Variants in VEPH1 observed in about 807,000 individuals in gnomAD.
VEPH1 encodes ventricular zone expressed PH domain containing 1.
A neutral mutation model predicts 85.2 loss-of-function variants in VEPH1; 80 were observed. That is an observed-to-expected ratio of 0.94 (90% CI 0.78 to 1.13). The LOEUF (loss-of-function observed/expected upper bound fraction) is 1.13, where lower values mean the gene tolerates loss of function less well. Among genes scored for constraint, VEPH1 ranks in the 50% most tolerant of loss-of-function variants. The pLI, the probability that VEPH1 is intolerant of heterozygous loss-of-function variation, is 0.00. For missense variants in VEPH1, 955 were observed against 980.5 expected, an observed-to-expected ratio of 0.97 and a Z score of 0.35; for synonymous variants, 297 against 348.0, an observed-to-expected ratio of 0.85 and a Z score of 1.63.
At chr3:157,396,249 G>T (rs559504113) in intron 6 of VEPH1, among the ~76,000 whole-genome samples, 62 of 152,260 alleles carry the variant, frequency 4.1e-4, no homozygotes, top group African/African-American at 1.4e-3. Context: ...CCATGTTCCT[G>T]CAAAGGAAAA....
At chr3:157,337,790 T>G (rs1294445683) in intron 9 of VEPH1, among the ~76,000 whole-genome samples, 1 of 152,194 alleles carries the variant, frequency 6.6e-6, no homozygotes, top group African/African-American at 2.4e-5. Context: ...TTCTGAGGGA[T>G]AAAATGATCA....
intron 4 of VEPH1, among the ~76,000 whole-genome samples, chr3:157,449,554 CTTGA>C (rs1462618945): frequency 1.3e-5 from 2 of 152,158 alleles, no homozygotes; most frequent in African/African-American, 2.4e-5. Context: ...GCTACACTGT[CTTGA>C]TTATTATGAT....
At chr3:157,455,929 T>C (rs1002226740) in intron 4 of VEPH1, among the ~76,000 whole-genome samples, 2 of 152,248 alleles carry the variant, frequency 1.3e-5, no homozygotes, top group South Asian at 4.1e-4. Flanking sequence ...TTATATTTCT[T>C]TGGGTATATA....
At chr3:157,382,044 GT>G (rs1469686399) in intron 6 of VEPH1, among the ~76,000 whole-genome samples, 3 of 152,208 alleles carry the variant, frequency 2.0e-5, no homozygotes, top group Non-Finnish European at 2.9e-5. Context: ...TGGTCTCAAA[GT>G]GAGCCTTGAC....
At chr3:157,306,688 A>C (rs1247492985) in intron 11 of VEPH1, among the ~76,000 whole-genome samples, 1 of 152,088 alleles carries the variant, frequency 6.6e-6, no homozygotes, top group Non-Finnish European at 1.5e-5. Flanking sequence ...AATAGGGCAC[A>C]TGAAATTATA....
chr3:157,425,275 G>A (rs1732672923), intron 5 of VEPH1, among the ~76,000 whole-genome samples: 1 of 152,258 alleles, frequency 6.6e-6, no homozygotes, highest in Non-Finnish European at 1.5e-5. Context: ...ATGCCTGGAT[G>A]TCCAGACAGA....
At chr3:157,277,518 T>C (rs1418478771) in intron 12 of VEPH1, among the ~76,000 whole-genome samples, 3 of 152,230 alleles carry the variant, frequency 2.0e-5, no homozygotes, top group Non-Finnish European at 4.4e-5. Context: ...CATATTAAGG[T>C]GTTACCTACA....
At chr3:157,263,768 G>A (rs1713236468) in intron 13 of VEPH1, among the ~76,000 whole-genome samples, 1 of 152,144 alleles carries the variant, frequency 6.6e-6, no homozygotes, top group South Asian at 2.1e-4. Context: ...AATTAAAAGA[G>A]CACTGGTCAG....
At chr3:157,325,423 G>A (rs1447751953) in intron 9 of VEPH1, among the ~76,000 whole-genome samples, 1 of 152,098 alleles carries the variant, frequency 6.6e-6, no homozygotes, top group Non-Finnish European at 1.5e-5. Flanking sequence ...CTGTGCCTAT[G>A]TCCTGAATGG....
At chr3:157,492,272 GA>G (rs1739280383) in intron 2 of VEPH1, among the ~76,000 whole-genome samples, 1 of 152,150 alleles carries the variant, frequency 6.6e-6, no homozygotes, top group African/African-American at 2.4e-5. Flanking sequence ...AAACAGACTT[GA>G]GAACAGCATG....
At chr3:157,287,250 C>T (rs1359936319) in intron 11 of VEPH1, among the ~76,000 whole-genome samples, 1 of 152,064 alleles carries the variant, frequency 6.6e-6, no homozygotes, top group African/African-American at 2.4e-5. Flanking sequence ...TGGTATATGC[C>T]TGTGGTCCCA....
intron 10 of VEPH1, among the ~76,000 whole-genome samples, chr3:157,314,939 T>C (rs1378676729): frequency 1.3e-5 from 2 of 152,236 alleles, no homozygotes; most frequent in East Asian, 1.9e-4. Flanking sequence ...TTACATGTGA[T>C]AGTGTTATAC....
chr3:157,265,521 C>G lies in VEPH1; in HGVS notation c.2265+5G>C. 1 of 1,611,598 alleles carries G rather than the reference C, an allele frequency of 6.2e-7. No individual in the cohort carries two copies. Among genetic ancestry groups the G allele is most frequent in the Non-Finnish European group, 8.5e-7 (1 of 1,178,500 alleles). ...GCAAGTGTAAAAGATGATGGAGGAA[C>G]TTACAGACTTTCCTTTTTGAAACAG... On this transcript the variant is annotated splice_donor_5th_base_variant and intron_variant, in intron 13 of 13. Coordinates refer to ENST00000362010, the MANE Select transcript of VEPH1 (RefSeq NM_001167912.2).
chr3:157,336,757 T>G lies in VEPH1; in HGVS notation c.1736-19556A>C, dbSNP rs185668725. ...TCTAGAGCAAGGGTTGATAAACTAC[T>G]GTCCATGGGCAAAGTCTGACTCACT... On this transcript the variant is annotated intron_variant, in intron 9 of 13. Coordinates refer to ENST00000362010, the MANE Select transcript of VEPH1 (RefSeq NM_001167912.2). Among the ~76,000 whole-genome samples the G allele has an allele frequency of 1.3e-3, 203 of 152,340 alleles. 1 individual carries two copies. Among genetic ancestry groups the G allele is most frequent in the Non-Finnish European group, 2.2e-3 (150 of 68,026 alleles).
chr3:157,427,907 A>C (rs552380502), intron 5 of VEPH1, among the ~76,000 whole-genome samples: 1 of 152,338 alleles, frequency 6.6e-6, no homozygotes, highest in East Asian at 1.9e-4. Context: ...CCCCTGCAAT[A>C]TGGGTGGGCC....
chr3:157,346,301 A>G (rs1486324284), intron 9 of VEPH1, among the ~76,000 whole-genome samples: 4 of 152,216 alleles, frequency 2.6e-5, no homozygotes, highest in African/African-American at 4.8e-5. Context: ...AAGATCTTAC[A>G]AAGTATACCC....
intron 6 of VEPH1, chr3:157,413,620 C>T (rs1731684460): frequency 1.0e-6 from 1 of 985,392 alleles, no homozygotes; most frequent in African/African-American, 1.7e-5. Flanking sequence ...AAACCTTCCA[C>T]ATAACCCTGC....
intron 5 of VEPH1, among the ~76,000 whole-genome samples, chr3:157,423,067 C>G (rs534776945): frequency 6.6e-6 from 1 of 152,290 alleles, no homozygotes; most frequent in South Asian, 2.1e-4. Flanking sequence ...TTTCCTCGTT[C>G]TTCATGTCTT....
At chr3:157,503,455 C>G (rs1740267801), upstream of VEPH1, 1 of 152,320 alleles carries the variant, frequency 6.6e-6, no homozygotes, top group African/African-American at 2.4e-5. Context: ...ATTTCATTCC[C>G]TCCCCATTGA....
Sources: allele counts gnomAD v4.1 joint callset (sites outside exome capture counted in the v4.1 genomes callset), GRCh38; gene constraint gnomAD v4.1.1; transcripts MANE v1.5; gene names NCBI Gene and HGNC (gene_info 2026-07-23, HGNC 2026-07-21).